The following PDE3B variants were observed in gnomAD, a reference collection of about 807,000 sequenced individuals.
The protein encoded by PDE3B is cGMP-inhibited 3',5'-cyclic phosphodiesterase 3B.
In PDE3B, 66 loss-of-function variants were observed where a neutral mutation model predicts 116.8. That is an observed-to-expected ratio of 0.56 (90% CI 0.46 to 0.69). The LOEUF (loss-of-function observed/expected upper bound fraction) is 0.69, where lower values mean the gene tolerates loss of function less well. Ranked by LOEUF, PDE3B falls within the 30% of genes least tolerant of loss-of-function variation. The pLI, the probability that PDE3B is intolerant of heterozygous loss-of-function variation, is 0.00. For missense variants in PDE3B, 1,384 were observed against 1,368.1 expected, an observed-to-expected ratio of 1.01 and a Z score of -0.18; for synonymous variants, 595 against 533.6, an observed-to-expected ratio of 1.12 and a Z score of -1.59.
chr11:14,895,836 G>A, the PDE3B span, among the ~76,000 whole-genome samples: 2 of 152,176 alleles, frequency 1.3e-5, no homozygotes, highest in East Asian at 3.8e-4. Flanking sequence ...TTCTAAAAAC[G>A]CTTATACATG....
At position 14,764,472 on chromosome 11, in the gene PDE3B, C is replaced by T. The variant is rs116125455; in HGVS notation, c.979-7465C>T. Among the ~76,000 whole-genome samples the T allele has an allele frequency of 9.0e-3, 1,362 of 152,050 alleles. 16 individuals are homozygous for T. The highest frequency in any genetic ancestry group is 0.031 in the African/African-American group (1,298 of 41,478). On this transcript the variant is annotated intron_variant, in intron 1 of 15. Transcript: ENST00000282096. ...TTCTCCATATATAAAATGAGGCTAC[C>T]GCAAAGTTGCTGTGATGTTACATGT...
At chr11:14,859,280 A>G in intron 13 of PDE3B, 34 bp downstream of exon 13, 1 of 1,457,846 alleles carries the variant, frequency 6.9e-7, no homozygotes, top group Non-Finnish European at 9.5e-7. Flanking sequence ...GATTTAAAAA[A>G]TCTTTATTGT....
At chr11:14,868,039 G>A (rs1264545587) in intron 15 of PDE3B, among the ~76,000 whole-genome samples, 6 of 152,068 alleles carry the variant, frequency 3.9e-5, no homozygotes, top group Non-Finnish European at 8.8e-5. Context: ...CTTAGATTTG[G>A]AACTTTGTTT....
At chr11:14,885,818 T>C in the PDE3B span, 16 of 1,613,476 alleles carry the variant, frequency 9.9e-6, no homozygotes, top group Non-Finnish European at 1.3e-5. Flanking sequence ...AGGCATGGTC[T>C]GTCTGCAAAA....
chr11:14,853,865 T>G (rs1193510620), intron 12 of PDE3B, among the ~76,000 whole-genome samples: 5 of 152,234 alleles, frequency 3.3e-5, no homozygotes, highest in Non-Finnish European at 7.3e-5. Context: ...GTGCTTGAGA[T>G]AGTAAAATTT....
chr11:14,713,894 A>G (rs1056061046), intron 1 of PDE3B, among the ~76,000 whole-genome samples: 3 of 152,180 alleles, frequency 2.0e-5, no homozygotes, highest in African/African-American at 7.2e-5. Context: ...GGCAGAGGAA[A>G]TAGGGTATGT....
intron 1 of PDE3B, among the ~76,000 whole-genome samples, chr11:14,739,658 A>C (rs765354415): frequency 2.6e-4 from 39 of 152,170 alleles, no homozygotes; most frequent in Non-Finnish European, 4.0e-4. Context: ...GAGTGCTGAG[A>C]GAGGGCATCC....
At chr11:14,880,180 A>G in the PDE3B span, 1 of 1,612,968 alleles carries the variant, frequency 6.2e-7, no homozygotes, top group Non-Finnish European at 8.5e-7. Flanking sequence ...CGCCCACCGT[A>G]GCACATTGGT....
chr11:14,804,996 A>G (rs963395987), intron 5 of PDE3B, among the ~76,000 whole-genome samples: 6 of 152,212 alleles, frequency 3.9e-5, no homozygotes, highest in Non-Finnish European at 5.9e-5. Flanking sequence ...GGAAAAATAC[A>G]TAAATAACAG....
chr11:14,890,849 C>T, the PDE3B span: 2 of 985,212 alleles, frequency 2.0e-6, no homozygotes, highest in Middle Eastern at 5.2e-4. Context: ...CGCCCGGGCA[C>T]CTAGACCAAT....
At chr11:14,645,617 T>C (rs1443680302) in intron 1 of PDE3B, among the ~76,000 whole-genome samples, 1 of 152,186 alleles carries the variant, frequency 6.6e-6, no homozygotes, top group East Asian at 1.9e-4. Context: ...AAGACAGCAG[T>C]ATAGGTGAAT....
Position 14,789,144 on chromosome 11 carries a change from GAGA to G in PDE3B, c.1320_1322del (p.Arg440del). The G allele has an allele frequency of 6.2e-7, 1 of 1,611,170 alleles. No individual in the cohort carries two copies. The highest frequency in any genetic ancestry group is 8.5e-7 in the Non-Finnish European group (1 of 1,177,906). ...ATAGTTTGCCAACTCCACAGCTGAG[GAGA>G]AGCTCAGGAACTTCAGGATTGCTAC... On this transcript the variant is annotated inframe_deletion, in exon 4 of 16. Coordinates refer to ENST00000282096, the MANE Select transcript of PDE3B (RefSeq NM_000922.4).
At chr11:14,733,268 A>G (rs1353232466) in intron 1 of PDE3B, among the ~76,000 whole-genome samples, 1 of 152,216 alleles carries the variant, frequency 6.6e-6, no homozygotes, top group African/African-American at 2.4e-5. Context: ...TCTTGTAAAA[A>G]GATATCTCAG....
intron 1 of PDE3B, among the ~76,000 whole-genome samples, chr11:14,712,419 A>G (rs533624928): frequency 7.6e-6 from 1 of 132,374 alleles, no homozygotes; most frequent in African/African-American, 2.9e-5. Context: ...AAATATTTAC[A>G]TTTTACCTGG....
chr11:14,738,962 T>C (rs1856679891), intron 1 of PDE3B, among the ~76,000 whole-genome samples: 1 of 152,202 alleles, frequency 6.6e-6, no homozygotes, highest in African/African-American at 2.4e-5. Context: ...TTGGTCGATA[T>C]CTCTGTTTTG....
At chr11:14,759,866 G>A (rs752130534) in intron 1 of PDE3B, among the ~76,000 whole-genome samples, 15 of 152,074 alleles carry the variant, frequency 9.9e-5, no homozygotes, top group Non-Finnish European at 2.1e-4. Flanking sequence ...GTTTTAAGTG[G>A]TTTAGAGCTC....
chr11:14,669,192 C>T (rs369676936), intron 1 of PDE3B, among the ~76,000 whole-genome samples: 21 of 152,098 alleles, frequency 1.4e-4, no homozygotes, highest in Admixed American at 9.2e-4. Context: ...TGAAAGAAGC[C>T]GTGGCTCTGG....
At chr11:14,666,719 C>G (rs1294235763) in intron 1 of PDE3B, among the ~76,000 whole-genome samples, 2 of 151,542 alleles carry the variant, frequency 1.3e-5, no homozygotes, top group African/African-American at 2.4e-5. Flanking sequence ...AAATGCAAAT[C>G]AAAACCACAA....
the PDE3B span, among the ~76,000 whole-genome samples, chr11:14,889,164 GTTT>G: frequency 3.9e-4 from 54 of 140,214 alleles, no homozygotes; most frequent in African/African-American, 1.2e-3. Flanking sequence ...AAGTCCAGTT[GTTT>G]TTTTTTTTTT....
Sources: allele counts gnomAD v4.1 joint callset (sites outside exome capture counted in the v4.1 genomes callset), GRCh38; gene constraint gnomAD v4.1.1; transcripts MANE v1.5; gene names NCBI Gene and HGNC (gene_info 2026-07-23, HGNC 2026-07-21).